The following PTPRG variants were observed in gnomAD, a reference collection of about 807,000 sequenced individuals.
The protein encoded by PTPRG is protein tyrosine phosphatase receptor type G, also known as receptor-type tyrosine-protein phosphatase gamma.
In PTPRG, 102 loss-of-function variants were observed where a neutral mutation model predicts 165.3. The observed-to-expected ratio is 0.62, with a 90% CI of 0.53 to 0.73. The LOEUF is 0.73. Ranked by LOEUF, PTPRG falls within the 30% of genes least tolerant of loss-of-function variation. The probability of loss-of-function intolerance (pLI) is 0.00; values close to 1 mark genes in which losing one functional copy is unlikely to be tolerated. For missense variants in PTPRG, 1,866 were observed against 1,861.4 expected, an observed-to-expected ratio of 1.00 and a Z score of -0.05; for synonymous variants, 675 against 669.5, an observed-to-expected ratio of 1.01 and a Z score of -0.13.
Position 62,255,558 on chromosome 3 carries a change from C to G in PTPRG, c.2559+343C>G, listed in dbSNP as rs1392647807. Among the ~76,000 whole-genome samples, 1 of 152,112 alleles carries G rather than the reference C, an allele frequency of 6.6e-6. No individual in the cohort carries two copies. Among genetic ancestry groups the G allele is most frequent in the East Asian group, 1.9e-4 (1 of 5,166 alleles). On this transcript the variant is annotated intron_variant, in intron 16 of 29. Transcript: ENST00000474889. The surrounding 1 kb of genome is among the most constrained non-coding windows in gnomAD (Gnocchi z 4.0). ...AAGGCTCCCTAATTCCATGTCTTTTCTGCAATGCACATGGTATAGTGAAGA... is the reference window on the plus strand; with the variant it reads ...AAGGCTCCCTAATTCCATGTCTTTTGTGCAATGCACATGGTATAGTGAAGA...
chr3:61,772,276 T>A (rs1446550575), intron 2 of PTPRG, among the ~76,000 whole-genome samples: 1 of 152,046 alleles, frequency 6.6e-6, no homozygotes, highest in Non-Finnish European at 1.5e-5. Context: ...AGCACTCGTT[T>A]AGTGTTGAAT....
chr3:61,685,493 G>T (rs1703595647), intron 1 of PTPRG, among the ~76,000 whole-genome samples: 1 of 152,226 alleles, frequency 6.6e-6, no homozygotes, highest in South Asian at 2.1e-4. Flanking sequence ...TGGACAGGGA[G>T]AATCTCAGAA....
chr3:61,637,523 A>G (rs1438653850), intron 1 of PTPRG, among the ~76,000 whole-genome samples: 1 of 152,174 alleles, frequency 6.6e-6, no homozygotes, highest in Non-Finnish European at 1.5e-5. Context: ...TCTGAATGTC[A>G]AAACTGAGAC....
At position 61,562,616 on chromosome 3, in the gene PTPRG, G is replaced by T. The variant is rs552792287; in HGVS notation, c.85+244G>T. 4.6e-5 allele frequency among the ~76,000 whole-genome samples: 7 copies of T among 151,342 alleles called. No homozygotes were observed. In the East Asian group the frequency reaches 1.4e-3, roughly 30 times the overall value. ...GGGGAGGGGGCTGGGGGACGCGGGG[G>T]TCTGCTCCCGCTCCCTTTTGGGGGT... On this transcript the variant is annotated intron_variant, in intron 1 of 29. Transcript: ENST00000474889.
At chr3:61,982,142 T>C (rs931548047) in intron 2 of PTPRG, among the ~76,000 whole-genome samples, 2 of 152,210 alleles carry the variant, frequency 1.3e-5, no homozygotes, top group Non-Finnish European at 2.9e-5. Context: ...AAATGTTGAC[T>C]ATTTGGGGGT....
chr3:62,059,576 G>A (rs1478150734), intron 4 of PTPRG, among the ~76,000 whole-genome samples: 1 of 152,170 alleles, frequency 6.6e-6, no homozygotes, highest in African/African-American at 2.4e-5. Flanking sequence ...AGTGGCTCAC[G>A]CCTATAATCC....
chr3:61,910,635 AC>A (rs2038778021), intron 2 of PTPRG, among the ~76,000 whole-genome samples: 1 of 152,042 alleles, frequency 6.6e-6, no homozygotes, highest in African/African-American at 2.4e-5. Flanking sequence ...GCCTTGTAGT[AC>A]CTGGTGCAGG....
chr3:62,044,843 G>A (rs571887083), intron 4 of PTPRG, among the ~76,000 whole-genome samples: 4 of 152,042 alleles, frequency 2.6e-5, no homozygotes, highest in Admixed American at 6.6e-5. Context: ...ACTTTGTCCT[G>A]TATGTTTATT....
At chr3:61,874,707 G>A (rs2037676684) in intron 2 of PTPRG, among the ~76,000 whole-genome samples, 1 of 152,148 alleles carries the variant, frequency 6.6e-6, no homozygotes. Flanking sequence ...TTTAGTGGGA[G>A]GAGTCCAGGG....
At chr3:62,081,053 C>T (rs112587191) in intron 5 of PTPRG, among the ~76,000 whole-genome samples, 3 of 151,538 alleles carry the variant, frequency 2.0e-5, no homozygotes, top group Non-Finnish European at 4.4e-5. Context: ...TTCAGGAGAT[C>T]GAGACCATCC....
At chr3:61,585,994 T>C (rs543419824) in intron 1 of PTPRG, among the ~76,000 whole-genome samples, 2 of 152,218 alleles carry the variant, frequency 1.3e-5, no homozygotes, top group African/African-American at 2.4e-5. Flanking sequence ...GAAAAGACAC[T>C]GATTGGGCTA....
At chr3:62,120,561 G>A (rs747544953) in intron 5 of PTPRG, among the ~76,000 whole-genome samples, 30 of 138,482 alleles carry the variant, frequency 2.2e-4, no homozygotes, top group Non-Finnish European at 3.7e-4. Context: ...GACCAGCCTG[G>A]CCAACATGGT....
rs139714690 is a variant in PTPRG at position 61,917,594 on chromosome 3, C to T, written c.191-72031C>T. 1.7e-3 allele frequency among the ~76,000 whole-genome samples: 253 copies of T among 152,234 alleles called. 1 individual carries two copies. The highest frequency in any genetic ancestry group is 5.7e-3 in the African/African-American group (235 of 41,534). ...ATGTCTTAAAATCTTGGTTACGTGT[C>T]CTGCTAACAATGGACATTTAATTAA... On this transcript the variant is annotated intron_variant, in intron 2 of 29. Coordinates refer to ENST00000474889, the MANE Select transcript of PTPRG (RefSeq NM_002841.4).
At chr3:61,975,601 A>G (rs904133298) in intron 2 of PTPRG, among the ~76,000 whole-genome samples, 3 of 152,166 alleles carry the variant, frequency 2.0e-5, no homozygotes, top group Admixed American at 2.0e-4. Context: ...CTCACCATGG[A>G]AGTCCTAAAA....
At chr3:62,035,180 T>G (rs999109068) in intron 4 of PTPRG, among the ~76,000 whole-genome samples, 5 of 152,194 alleles carry the variant, frequency 3.3e-5, no homozygotes, top group Admixed American at 1.3e-4. Flanking sequence ...GACTCTGAAT[T>G]TGGAGACCAT....
rs150067698 is a variant in PTPRG at position 61,847,903 on chromosome 3, C to T, written c.190+98921C>T. ...TTCTGCTTCCACTGTTAAACTCTTA[C>T]ATAATTGCATTCTATATAGAGAGCT... On this transcript the variant is annotated intron_variant, in intron 2 of 29. Coordinates refer to ENST00000474889, the MANE Select transcript of PTPRG (RefSeq NM_002841.4). Among the ~76,000 whole-genome samples the T allele has an allele frequency of 3.3e-5, 5 of 152,354 alleles. No homozygotes were observed. In the East Asian group the frequency reaches 9.6e-4, roughly 29 times the overall value.
intron 2 of PTPRG, among the ~76,000 whole-genome samples, chr3:61,767,971 CAAAA>C (rs35466366): frequency 0.16 from 16,397 of 104,026 alleles, 1,131 homozygotes; most frequent in East Asian, 0.4. Context: ...GACCCTGTCT[CAAAA>C]AAAAAAAAAA....
chr3:62,192,393 C>CTTTTTTTTTTTT lies in PTPRG; in HGVS notation c.1218+762_1218+773dup, dbSNP rs71123255. 1.7e-4 allele frequency among the ~76,000 whole-genome samples: 9 copies of CTTTTTTTTTTTT among 52,618 alleles called. 1 individual carries two copies. The highest frequency in any genetic ancestry group is 3.1e-4 in the African/African-American group (5 of 16,372). The allele number at this position is 52,618 out of a possible 152,430, so 34.5% of individuals were successfully genotyped here. ...ATAAAGCAAACTCCACAACTACTGT[C>CTTTTTTTTTTTT]TTTTTTTTTTTTTTTTTTTTTTTTT... On this transcript the variant is annotated intron_variant, in intron 9 of 29. Transcript: ENST00000474889.
At chr3:61,789,273 A>T (rs937121854) in intron 2 of PTPRG, among the ~76,000 whole-genome samples, 2 of 151,876 alleles carry the variant, frequency 1.3e-5, no homozygotes, top group Non-Finnish European at 2.9e-5. Context: ...CTCATTTTTT[A>T]AAATTTTTTG....
Sources: gnomAD v4.1 joint callset for allele counts (sites outside exome capture counted in the v4.1 genomes callset) on GRCh38, gnomAD v4.1.1 for gene constraint, Gnocchi (gnomAD v3.1) non-coding constraint, MANE v1.5 for transcripts, NCBI Gene and HGNC (gene_info 2026-07-23, HGNC 2026-07-21) for gene names.